Variants in ARHGAP24 observed in about 807,000 individuals in gnomAD.
ARHGAP24 encodes the protein Rho GTPase activating protein 24, also known as rho GTPase-activating protein 24.
ARHGAP24 carries 50 observed loss-of-function variants against 76.4 expected under a neutral mutation model. The observed-to-expected ratio is 0.65, with a 90% CI of 0.52 to 0.83. The LOEUF (loss-of-function observed/expected upper bound fraction) is 0.83, where lower values mean the gene tolerates loss of function less well. Ranked by LOEUF, ARHGAP24 falls within the 40% of genes least tolerant of loss-of-function variation. The probability of loss-of-function intolerance (pLI) is 0.00; values close to 1 mark genes in which losing one functional copy is unlikely to be tolerated. For missense variants in ARHGAP24, 930 were observed against 914.2 expected, an observed-to-expected ratio of 1.02 and a Z score of -0.22; for synonymous variants, 345 against 323.3, an observed-to-expected ratio of 1.07 and a Z score of -0.72.
At chr4:85,972,013 T>G (rs368777621) in intron 5 of ARHGAP24, 23 bp from the exon 6 acceptor site, 81 of 1,613,780 alleles carry the variant, frequency 5.0e-5, no homozygotes, top group Non-Finnish European at 6.4e-5. Flanking sequence ...CCAAAGAATA[T>G]CTTCACACTT....
At chr4:85,530,921 T>C (rs1725232444) in intron 1 of ARHGAP24, among the ~76,000 whole-genome samples, 1 of 152,068 alleles carries the variant, frequency 6.6e-6, no homozygotes. Context: ...GTGCAGGGAC[T>C]GTTTTCCATA....
chr4:85,748,579 A>G (rs1726138736), intron 3 of ARHGAP24, among the ~76,000 whole-genome samples: 1 of 152,240 alleles, frequency 6.6e-6, no homozygotes, highest in African/African-American at 2.4e-5. Flanking sequence ...GTTTAAATAA[A>G]ATGGGAGTAT....
intron 3 of ARHGAP24, among the ~76,000 whole-genome samples, chr4:85,897,597 A>G (rs551560007): frequency 9.9e-4 from 151 of 152,372 alleles, no homozygotes; most frequent in African/African-American, 3.4e-3. Context: ...TAAAAGGGCT[A>G]TGAAGCCAGC....
At chr4:85,930,505 G>T (rs1368737259) in intron 4 of ARHGAP24, 9 of 1,000,644 alleles carry the variant, frequency 9.0e-6, no homozygotes, top group Non-Finnish European at 9.5e-6. Context: ...CTTTCCTCTT[G>T]CACAGAGCTA....
chr4:85,806,521 C>A (rs1728798780), intron 3 of ARHGAP24, among the ~76,000 whole-genome samples: 2 of 152,108 alleles, frequency 1.3e-5, no homozygotes, highest in South Asian at 4.1e-4. Context: ...TCTGCACATG[C>A]TAGAAGAACA....
chr4:85,614,429 C>T (rs1187517264), intron 2 of ARHGAP24, among the ~76,000 whole-genome samples: 2 of 151,838 alleles, frequency 1.3e-5, no homozygotes, highest in Non-Finnish European at 2.9e-5. Context: ...AGTCAGAGAT[C>T]GCATCTAGAG....
chr4:85,751,791 G>A (rs963901292), intron 3 of ARHGAP24, among the ~76,000 whole-genome samples: 1 of 152,180 alleles, frequency 6.6e-6, no homozygotes, highest in Admixed American at 6.5e-5. Flanking sequence ...TAGTTGAAAA[G>A]GGGAGAGGAA....
At chr4:85,775,274 G>C (rs77967437) in intron 3 of ARHGAP24, among the ~76,000 whole-genome samples, 2,218 of 152,232 alleles carry the variant, frequency 0.015, 63 homozygotes, top group African/African-American at 0.05. Flanking sequence ...GAAAATATGA[G>C]GGAGGAGCAT....
chr4:85,974,596 A>G (rs1262298622), intron 6 of ARHGAP24, among the ~76,000 whole-genome samples: 3 of 152,212 alleles, frequency 2.0e-5, no homozygotes, highest in Non-Finnish European at 2.9e-5. Context: ...TTATTAATAA[A>G]TGAGCTTATC....
chr4:85,756,918 G>C (rs1180882075), intron 3 of ARHGAP24, among the ~76,000 whole-genome samples: 2 of 152,158 alleles, frequency 1.3e-5, no homozygotes, highest in African/African-American at 4.8e-5. Context: ...AATAGTCAAA[G>C]AATAAATTTA....
intron 2 of ARHGAP24, among the ~76,000 whole-genome samples, chr4:85,719,371 A>G (rs997308367): frequency 1.3e-5 from 2 of 152,140 alleles, no homozygotes; most frequent in Non-Finnish European, 2.9e-5. Context: ...CTCACCTTGT[A>G]AGGCATGGGG....
intron 3 of ARHGAP24, among the ~76,000 whole-genome samples, chr4:85,829,949 A>G (rs1433931466): frequency 6.6e-6 from 1 of 152,252 alleles, no homozygotes; most frequent in African/African-American, 2.4e-5. Flanking sequence ...CTCAACATGC[A>G]AAGAGGTTTA....
At chr4:85,582,841 A>G (rs1418367641) in intron 2 of ARHGAP24, among the ~76,000 whole-genome samples, 1 of 152,134 alleles carries the variant, frequency 6.6e-6, no homozygotes, top group African/African-American at 2.4e-5. Context: ...ATTTGATTTT[A>G]TCTTAGAAGT....
chr4:85,597,903 A>G (rs1485068964), intron 2 of ARHGAP24, among the ~76,000 whole-genome samples: 2 of 152,138 alleles, frequency 1.3e-5, no homozygotes, highest in Non-Finnish European at 2.9e-5. Context: ...CCCAGTTAAA[A>G]TATCAGTGAA....
chr4:85,758,053 G>C (rs1474318726), intron 3 of ARHGAP24, among the ~76,000 whole-genome samples: 1 of 144,928 alleles, frequency 6.9e-6, no homozygotes, highest in Non-Finnish European at 1.5e-5. Flanking sequence ...TGCTTTGGAA[G>C]AAGAAGGGGG....
At chr4:85,708,764 A>G (rs767637765) in intron 2 of ARHGAP24, among the ~76,000 whole-genome samples, 8 of 152,206 alleles carry the variant, frequency 5.3e-5, no homozygotes, top group Non-Finnish European at 1.0e-4. Context: ...CTGATAAAAC[A>G]GAGCTCAAAT....
At chr4:85,679,808 A>G (rs1372525608) in intron 2 of ARHGAP24, among the ~76,000 whole-genome samples, 1 of 152,184 alleles carries the variant, frequency 6.6e-6, no homozygotes, top group African/African-American at 2.4e-5. Flanking sequence ...GAGAGTCTCA[A>G]TAGTGTCTGT....
intron 1 of ARHGAP24, among the ~76,000 whole-genome samples, chr4:85,565,004 C>A (rs1318962771): frequency 2.1e-5 from 3 of 145,318 alleles, no homozygotes; most frequent in African/African-American, 5.0e-5. Context: ...CATACACACA[C>A]CCATACACAT....
At chr4:85,602,446 A>G (rs74589854) in intron 2 of ARHGAP24, among the ~76,000 whole-genome samples, 3,573 of 152,314 alleles carry the variant, frequency 0.023, 155 homozygotes, top group African/African-American at 0.082. Flanking sequence ...GGATAAATCA[A>G]TAAAGCATAA....
Sources: gnomAD v4.1 joint callset for allele counts (sites outside exome capture counted in the v4.1 genomes callset) on GRCh38, gnomAD v4.1.1 for gene constraint, MANE v1.5 for transcripts, NCBI Gene and HGNC (gene_info 2026-07-23, HGNC 2026-07-21) for gene names.